Variants in SUGP1 observed in about 807,000 individuals in gnomAD.
SUGP1 encodes the protein SURP and G-patch domain-containing protein 1.
A neutral mutation model predicts 76.5 loss-of-function variants in SUGP1; 34 were observed. The observed-to-expected ratio is 0.44, with a 90% CI of 0.34 to 0.59. The LOEUF (loss-of-function observed/expected upper bound fraction) is 0.59, where lower values mean the gene tolerates loss of function less well. Among genes scored for constraint, SUGP1 ranks in the 20% least tolerant of loss-of-function variants. SUGP1 has a pLI of 0.01. For synonymous variants in SUGP1, 326 were observed against 326.2 expected (o/e 1.00, Z 0.01); for missense variants, 752 against 851.7 (o/e 0.88, Z 1.46).
intron 8 of SUGP1, 97 bp downstream of exon 8, chr19:19,296,892 T>G (rs2061229883): frequency 9.2e-7 from 1 of 1,089,692 alleles, no homozygotes; most frequent in African/African-American, 1.6e-5. Flanking sequence ...AATGAAATTC[T>G]GATACAAGCT....
Position 19,316,502 on chromosome 19 carries a change from C to T in SUGP1, c.126G>A (p.Lys42=), listed in dbSNP as rs575577045. 1.2e-5 allele frequency: 19 copies of T among 1,613,952 alleles called. No individual in the cohort carries two copies. The African/African-American group carries it at 1.3e-4, about 11-fold the overall frequency. The change falls in exon 2 of 14, where the codon AAG becomes AAA. Residue 42 remains lysine (K), a synonymous_variant. Coordinates refer to ENST00000247001, the MANE Select transcript of SUGP1 (RefSeq NM_172231.4). ...CCATTTTGGCTTCAATTTCCCGTTTCTTCTGAGCGATGAGCTCTTCCTGGT... is the reference window on the plus strand; with the variant it reads ...CCATTTTGGCTTCAATTTCCCGTTTTTTCTGAGCGATGAGCTCTTCCTGGT... ...ILHQEELIAQ[K]KREIEAKMEQ...
At chr19:19,285,614 G>A (rs1326040283) in intron 8 of SUGP1, among the ~76,000 whole-genome samples, 1 of 152,142 alleles carries the variant, frequency 6.6e-6, no homozygotes, top group Non-Finnish European at 1.5e-5. Context: ...TGTCCAGGCT[G>A]GAGTGCAATG....
chr19:19,316,645 C>A, intron 1 of SUGP1, 52 bp from the exon 2 acceptor site: 1 of 1,595,350 alleles, frequency 6.3e-7, no homozygotes, highest in African/African-American at 1.3e-5. Flanking sequence ...CACAAACACC[C>A]CAAGAAGCTG....
intron 8 of SUGP1, among the ~76,000 whole-genome samples, chr19:19,293,281 T>C (rs1414733208): frequency 6.6e-6 from 1 of 151,362 alleles, no homozygotes; most frequent in African/African-American, 2.4e-5. Context: ...CTCAATAAAC[T>C]AGGAACAGAA....
At chr19:19,289,471 G>T (rs1013726428) in intron 8 of SUGP1, among the ~76,000 whole-genome samples, 3 of 152,092 alleles carry the variant, frequency 2.0e-5, no homozygotes, top group Non-Finnish European at 4.4e-5. Flanking sequence ...GCGTGGGCTG[G>T]GCATGGTGGC....
At chr19:19,282,058 C>T (rs2061102927) in intron 8 of SUGP1, among the ~76,000 whole-genome samples, 1 of 152,182 alleles carries the variant, frequency 6.6e-6, no homozygotes, top group African/African-American at 2.4e-5. Context: ...TGGCTCACTG[C>T]AACCTCCGCC....
At chr19:19,307,425 T>C (rs759898555) in intron 3 of SUGP1, among the ~76,000 whole-genome samples, 1 of 151,990 alleles carries the variant, frequency 6.6e-6, no homozygotes, top group Non-Finnish European at 1.5e-5. Context: ...CTTACAGAAC[T>C]CAATGAGATT....
chr19:19,281,687 T>C (rs1299209264), intron 8 of SUGP1, among the ~76,000 whole-genome samples: 1 of 152,230 alleles, frequency 6.6e-6, no homozygotes, highest in African/African-American at 2.4e-5. Flanking sequence ...ACCTGTGTGT[T>C]GAGCGCCAGT....
Position 19,320,242 on chromosome 19 carries a change from T to C in SUGP1, c.34+221A>G, listed in dbSNP as rs546531816. 2.0e-5 allele frequency among the ~76,000 whole-genome samples: 3 copies of C among 152,280 alleles called. No individual in the cohort carries two copies. The East Asian group carries it at 5.8e-4, about 29-fold the overall frequency. On this transcript the variant is annotated intron_variant, in intron 1 of 13. Transcript: ENST00000247001. The stretch of plus-strand genomic sequence containing the variant: ...CGCAGGGCCGAGCCGGGTGGCGGCC[T>C]CTACGGAGATCCGTGCGTCCTCAGC...
At chr19:19,288,737 C>T (rs964199362) in intron 8 of SUGP1, among the ~76,000 whole-genome samples, 1 of 152,068 alleles carries the variant, frequency 6.6e-6, no homozygotes, top group Non-Finnish European at 1.5e-5. Context: ...GCCTGGGAAA[C>T]AGAGTGAGAC....
At chr19:19,286,997 G>A (rs147456800) in intron 8 of SUGP1, among the ~76,000 whole-genome samples, 69 of 152,022 alleles carry the variant, frequency 4.5e-4, no homozygotes, top group African/African-American at 1.5e-3. Flanking sequence ...AAAATAGGCC[G>A]GGCAAAGTGG....
intron 8 of SUGP1, among the ~76,000 whole-genome samples, chr19:19,292,164 T>A (rs188257679): frequency 5.8e-4 from 86 of 149,002 alleles, no homozygotes; most frequent in Middle Eastern, 3.6e-3. Context: ...TCCCAGCTAC[T>A]CGGGAGGCTG....
chr19:19,305,777 C>T, intron 4 of SUGP1, 72 bp downstream of exon 4: 2 of 1,475,968 alleles, frequency 1.4e-6, no homozygotes, highest in Non-Finnish European at 1.8e-6. Flanking sequence ...AGCACTTGCC[C>T]TGCCCACCAC....
chr19:19,281,928 G>C (rs1443232608), intron 8 of SUGP1, among the ~76,000 whole-genome samples: 1 of 152,218 alleles, frequency 6.6e-6, no homozygotes, highest in Non-Finnish European at 1.5e-5. Context: ...GTGAAAAGGT[G>C]ATTGTGTAAA....
intron 8 of SUGP1, among the ~76,000 whole-genome samples, chr19:19,290,460 G>A (rs547054453): frequency 3.6e-4 from 54 of 151,500 alleles, no homozygotes; most frequent in Admixed American, 1.5e-3. Flanking sequence ...CCTGGCCAAC[G>A]TGGCAAAACC....
chr19:19,311,559 C>T (rs1404084602), intron 2 of SUGP1, among the ~76,000 whole-genome samples: 1 of 151,778 alleles, frequency 6.6e-6, no homozygotes, highest in Non-Finnish European at 1.5e-5. Flanking sequence ...AACCCCATCT[C>T]TACTAAAAAT....
chr19:19,287,140 A>C (rs564179631), intron 8 of SUGP1, among the ~76,000 whole-genome samples: 9 of 152,210 alleles, frequency 5.9e-5, no homozygotes, highest in African/African-American at 2.2e-4. Flanking sequence ...AGGCATGGGC[A>C]CACACTTGTA....
chr19:19,293,647 G>A (rs2061202824), intron 8 of SUGP1, among the ~76,000 whole-genome samples: 1 of 151,842 alleles, frequency 6.6e-6, no homozygotes, highest in Non-Finnish European at 1.5e-5. Flanking sequence ...AAAACACATA[G>A]CTAACATCAT....
At chr19:19,319,173 C>T (rs2061418050) in intron 1 of SUGP1, among the ~76,000 whole-genome samples, 1 of 152,028 alleles carries the variant, frequency 6.6e-6, no homozygotes, top group Non-Finnish European at 1.5e-5. Context: ...AGTCAGCCGA[C>T]ATCGTGCCAC....
Sources: allele counts gnomAD v4.1 joint callset (sites outside exome capture counted in the v4.1 genomes callset), GRCh38; gene constraint gnomAD v4.1.1; transcripts MANE v1.5; gene names NCBI Gene and HGNC (gene_info 2026-07-23, HGNC 2026-07-21).